Variants in IMPG1 observed in about 807,000 individuals in gnomAD.
IMPG1 encodes interphotoreceptor matrix proteoglycan of 150 kDa.
A neutral mutation model predicts 92.0 loss-of-function variants in IMPG1; 85 were observed. The observed-to-expected ratio is 0.92, with a 90% CI of 0.78 to 1.11. IMPG1 has a LOEUF of 1.11. Ranked by LOEUF, IMPG1 falls within the 50% of genes least tolerant of loss-of-function variation. IMPG1 has a pLI of 0.00. For missense variants in IMPG1, 1,022 were observed against 956.0 expected (o/e 1.07, Z -0.91); for synonymous variants, 367 against 334.1 (o/e 1.10, Z -1.08).
intron 15 of IMPG1, among the ~76,000 whole-genome samples, chr6:75,925,514 G>A (rs1210253202): frequency 3.3e-5 from 5 of 152,138 alleles, no homozygotes; most frequent in Non-Finnish European, 5.9e-5. Flanking sequence ...GCAGAGGAGA[G>A]AGGAGGAAAA....
intron 15 of IMPG1, among the ~76,000 whole-genome samples, chr6:75,929,461 C>T (rs990145188): frequency 6.8e-6 from 1 of 147,466 alleles, no homozygotes; most frequent in Non-Finnish European, 1.5e-5. Flanking sequence ...GGACAAAAAA[C>T]CAAACACTGC....
chr6:75,966,038 C>G (rs890713488), intron 12 of IMPG1, among the ~76,000 whole-genome samples: 1 of 152,092 alleles, frequency 6.6e-6, no homozygotes, highest in East Asian at 1.9e-4. Flanking sequence ...CTAGGATATA[C>G]GAGACAAAAA....
chr6:75,997,219 T>G (rs1040079324), intron 12 of IMPG1, among the ~76,000 whole-genome samples: 23 of 152,196 alleles, frequency 1.5e-4, no homozygotes, highest in African/African-American at 5.5e-4. Context: ...CTTGTAGACC[T>G]CTCTGAATAA....
At position 76,034,657 on chromosome 6, in the gene IMPG1, G is replaced by C. The variant is rs572425477; in HGVS notation, c.432C>G (p.Phe144Leu). The C allele has an allele frequency of 6.8e-6, 11 of 1,614,186 alleles. No homozygotes were observed. In the East Asian group the frequency reaches 2.2e-4, roughly 33 times the overall value. ...GATCCAGGTGCTCCTGGGAATTGCT[G>C]AAGTTTTTTCCAATGTCAAAGAGGC... is the stretch of plus-strand genomic sequence containing the variant. ...TFCLFDIGKNFSNSQEHLDLL... is the reference protein window; with the variant it reads ...TFCLFDIGKNLSNSQEHLDLL... Residue 144 changes from phenylalanine to leucine, a missense_variant, in exon 3 of 17, where the codon TTC (phenylalanine) becomes TTG (leucine). Physicochemically the swap from Phe to Leu is conservative, Grantham distance 22. Transcript: ENST00000369950.
rs144102774 is a variant in IMPG1 at position 75,974,813 on chromosome 6, G to T, written c.1292-23719C>A. Among the ~76,000 whole-genome samples, 1,197 of 152,170 alleles carry T rather than the reference G, an allele frequency of 7.9e-3. 15 individuals are homozygous for T. Among genetic ancestry groups the T allele is most frequent in the African/African-American group, 0.027 (1,134 of 41,516 alleles). On this transcript the variant is annotated intron_variant, in intron 12 of 16. Coordinates refer to ENST00000369950, the MANE Select transcript of IMPG1 (RefSeq NM_001563.4). Reference sequence around the variant, plus strand: ...CTGCAGGCATGAGCCACCACACCTGGCCGGGATTTTCTTAATTGCAACAAA... The same window carrying T: ...CTGCAGGCATGAGCCACCACACCTGTCCGGGATTTTCTTAATTGCAACAAA...
chr6:75,985,485 G>GA (rs568138582), intron 12 of IMPG1, among the ~76,000 whole-genome samples: 3 of 151,452 alleles, frequency 2.0e-5, no homozygotes, highest in East Asian at 1.9e-4. Flanking sequence ...CATTAGAGAA[G>GA]AAAAAAAATA....
At chr6:75,978,561 G>A (rs1005250472) in intron 12 of IMPG1, among the ~76,000 whole-genome samples, 1 of 152,154 alleles carries the variant, frequency 6.6e-6, no homozygotes, top group African/African-American at 2.4e-5. Flanking sequence ...CAGTACTAAA[G>A]TTCAGTTTCC....
At chr6:76,044,186 G>A (rs1320038101) in intron 1 of IMPG1, among the ~76,000 whole-genome samples, 1 of 152,230 alleles carries the variant, frequency 6.6e-6, no homozygotes, top group Non-Finnish European at 1.5e-5. Flanking sequence ...GCACACAGCT[G>A]TTAGTACCCA....
At position 75,943,353 on chromosome 6, in the gene IMPG1, T is replaced by C. The variant is rs978766516; in HGVS notation, c.2044+3961A>G. On this transcript the variant is annotated intron_variant, in intron 14 of 16. Transcript: ENST00000369950. ...GCAGATCCCTCATGATATGAGTAGA[T>C]TAATGTCCTCCCTGGGAGGGAGGGG... Among the ~76,000 whole-genome samples the C allele has an allele frequency of 1.2e-4, 18 of 152,078 alleles. No individual in the cohort carries two copies. The East Asian group carries it at 3.1e-3, about 26-fold the overall frequency.
chr6:75,944,219 C>T (rs1781883880), intron 14 of IMPG1, among the ~76,000 whole-genome samples: 1 of 152,176 alleles, frequency 6.6e-6, no homozygotes, highest in African/African-American at 2.4e-5. Flanking sequence ...CTGTGCCCCC[C>T]TCTATTCCTT....
intron 12 of IMPG1, among the ~76,000 whole-genome samples, chr6:75,995,001 A>G (rs1305022866): frequency 6.6e-6 from 1 of 152,204 alleles, no homozygotes; most frequent in Non-Finnish European, 1.5e-5. Flanking sequence ...AAACCAGTTC[A>G]CTGACCTGGT....
At chr6:75,946,708 CTT>C (rs1290221931) in intron 14 of IMPG1, among the ~76,000 whole-genome samples, 1 of 152,170 alleles carries the variant, frequency 6.6e-6, no homozygotes, top group Non-Finnish European at 1.5e-5. Context: ...TTGTCTAACT[CTT>C]TGCTTTAATC....
At chr6:76,047,667 C>T (rs1384229671) in intron 1 of IMPG1, among the ~76,000 whole-genome samples, 1 of 151,954 alleles carries the variant, frequency 6.6e-6, no homozygotes, top group Non-Finnish European at 1.5e-5. Flanking sequence ...GACAGAGATG[C>T]AATACATATT....
chr6:76,071,819 T>C (rs560604806), intron 1 of IMPG1, among the ~76,000 whole-genome samples: 1 of 152,224 alleles, frequency 6.6e-6, no homozygotes, highest in South Asian at 2.1e-4. Flanking sequence ...TAAAACATCC[T>C]GTTTGTGGCT....
At chr6:76,066,810 A>G (rs1784318240) in intron 1 of IMPG1, among the ~76,000 whole-genome samples, 1 of 152,156 alleles carries the variant, frequency 6.6e-6, no homozygotes, top group South Asian at 2.1e-4. Context: ...CCACAAAACA[A>G]GAATCAATAA....
At chr6:75,970,166 A>G (rs775705930) in intron 12 of IMPG1, among the ~76,000 whole-genome samples, 14 of 152,246 alleles carry the variant, frequency 9.2e-5, no homozygotes, top group Middle Eastern at 3.4e-3. Context: ...CCACTTTATA[A>G]ACTCTCTGCA....
rs2127594509 is a variant in IMPG1 at position 76,041,893 on chromosome 6, C to G, written c.301G>C (p.Val101Leu). The change falls in exon 2 of 17, where the codon GTG becomes CTG. Residue 101 changes from valine (V) to leucine (L), a missense_variant and splice_region_variant. Physicochemically the swap from Val to Leu is conservative, Grantham distance 32 (BLOSUM62 1). Around this residue, in one of 3 missense-constraint regions of IMPG1, gnomAD observed 681 missense variants for 583.6 expected, o/e 1.17. Transcript: ENST00000369950. The part of the protein sequence containing the change: ...DSLQAYYRLR[V>L]CQEAVWEAYR... ...TAAACGGTTTCATCTCTTTCCTTAC[C>G]TCTCAATCTATAATAAGCTTGAAGA... is the stretch of plus-strand genomic sequence containing the variant. 1.1e-5 allele frequency: 17 copies of G among 1,576,780 alleles called. No individual in the cohort carries two copies. The highest frequency in any genetic ancestry group is 1.4e-5 in the Non-Finnish European group (16 of 1,146,098).
At chr6:76,064,142 G>A (rs1264841208) in intron 1 of IMPG1, among the ~76,000 whole-genome samples, 1 of 152,018 alleles carries the variant, frequency 6.6e-6, no homozygotes, top group East Asian at 1.9e-4. Flanking sequence ...CTAGAATAAA[G>A]GACAGCCATT....
At chr6:76,022,032 T>C (rs1783436937) in intron 6 of IMPG1, 84 bp downstream of exon 6, 1 of 704,332 alleles carries the variant, frequency 1.4e-6, no homozygotes, top group Admixed American at 1.9e-5. Context: ...ATTTAAAGGA[T>C]GGTTTATCCA....
Sources: allele counts gnomAD v4.1 joint callset (sites outside exome capture counted in the v4.1 genomes callset), GRCh38; gene constraint gnomAD v4.1.1; regional missense constraint gnomAD v4.1.1; transcripts MANE v1.5; gene names NCBI Gene and HGNC (gene_info 2026-07-23, HGNC 2026-07-21).